Variants in HUS1 observed in about 807,000 individuals in gnomAD.
HUS1 encodes the protein HUS1 checkpoint clamp component.
Under a neutral mutation model 32.6 loss-of-function variants are expected in HUS1, and 31 were observed. That is an observed-to-expected ratio of 0.95 (90% CI 0.72 to 1.28). The LOEUF is 1.28. Ranked by LOEUF, HUS1 falls within the 50% of genes most tolerant of loss-of-function variation. HUS1 has a pLI of 0.00. For synonymous variants in HUS1, 123 were observed against 116.6 expected (o/e 1.06, Z -0.36); for missense variants, 340 against 337.7 (o/e 1.01, Z -0.05).
intron 7 of HUS1, among the ~76,000 whole-genome samples, chr7:47,967,127 G>A (rs1447471105): frequency 1.3e-5 from 2 of 152,202 alleles, no homozygotes; most frequent in African/African-American, 4.8e-5. Flanking sequence ...TGGGAGCTAT[G>A]CTACAAAACG....
Position 47,978,790 on chromosome 7 carries a change from C to T in HUS1, c.79G>A (p.Ala27Thr), listed in dbSNP as rs780317696. 6.2e-7 allele frequency: 1 copy of T among 1,614,078 alleles called. No individual in the cohort carries two copies. Among genetic ancestry groups the T allele is most frequent in the South Asian group, 1.1e-5 (1 of 91,080 alleles). The change falls in exon 2 of 8, where the codon GCC becomes ACC. Residue 27 changes from alanine to threonine, a missense_variant. Physicochemically the swap from Ala to Thr is moderately conservative, Grantham distance 58. Coordinates refer to ENST00000258774, the MANE Select transcript of HUS1 (RefSeq NM_004507.4). ...CTGATGCGGAGGGTGCAGGTTTTGG[C>T]AAGCTTGGCTATCATGTTACTGATT... ...TRISNMIAKL[A>T]KTCTLRISPD...
Position 47,965,442 on chromosome 7 carries a change from G to T in HUS1, c.761-4C>A. On this transcript the variant is annotated splice_polypyrimidine_tract_variant and splice_region_variant and intron_variant, in intron 7 of 7. Transcript: ENST00000258774. ...ACCATCTTGTTATTCACAATATCTGGGAAGAGAAAAGCCATGATTTTAGAG... is the reference window on the plus strand; with the variant it reads ...ACCATCTTGTTATTCACAATATCTGTGAAGAGAAAAGCCATGATTTTAGAG... The T allele has an allele frequency of 6.2e-7, 1 of 1,608,912 alleles. No homozygotes were observed. The highest frequency in any genetic ancestry group is 8.5e-7 in the Non-Finnish European group (1 of 1,175,382).
intron 3 of HUS1, 94 bp from the exon 4 acceptor site, chr7:47,976,931 C>T (rs1202797260): frequency 3.9e-6 from 3 of 765,456 alleles, no homozygotes; most frequent in African/African-American, 3.5e-5. Flanking sequence ...AGTTGAAATA[C>T]CAAATCTAAG....
intron 5 of HUS1, among the ~76,000 whole-genome samples, chr7:47,970,590 C>A (rs1314339782): frequency 6.6e-6 from 1 of 152,130 alleles, no homozygotes; most frequent in Non-Finnish European, 1.5e-5. Context: ...AAACAAAGCA[C>A]TGGAAAAGAA....
At chr7:47,975,713 C>T in intron 4 of HUS1, 26 bp from the exon 5 acceptor site, 1 of 1,386,752 alleles carries the variant, frequency 7.2e-7, no homozygotes, top group Non-Finnish European at 1.0e-6. Flanking sequence ...GAAAAAAGCA[C>T]AAGTATTAAA....
intron 3 of HUS1, among the ~76,000 whole-genome samples, chr7:47,977,994 T>A (rs1199024111): frequency 2.0e-5 from 3 of 152,200 alleles, no homozygotes; most frequent in Non-Finnish European, 4.4e-5. Context: ...AGGACAGCTG[T>A]GCACTAAATT....
chr7:47,979,583 G>T lies in HUS1; in HGVS notation c.-64C>A. The T allele has an allele frequency of 1.5e-6, 2 of 1,300,502 alleles. No homozygotes were observed. Among genetic ancestry groups the T allele is most frequent in the South Asian group, 2.4e-5 (2 of 84,878 alleles). The allele number at this position is 1,300,502 out of a possible 1,614,324, so 80.6% of individuals were successfully genotyped here. A position where few individuals can be genotyped will look rare whatever the true frequency, so the allele number is the denominator to read the frequency against. ...AACAGAAAAGCGTCGCGCCCTGAGTGTCCCCGCCCGGAAACACGGCAGCGC... is the reference window on the plus strand; with the variant it reads ...AACAGAAAAGCGTCGCGCCCTGAGTTTCCCCGCCCGGAAACACGGCAGCGC... On this transcript the variant is annotated 5_prime_UTR_variant, in exon 1 of 8. Transcript: ENST00000258774.
intron 6 of HUS1, 103 bp from the exon 7 acceptor site, chr7:47,968,028 T>A: frequency 8.2e-7 from 1 of 1,218,386 alleles, no homozygotes; most frequent in Non-Finnish European, 1.1e-6. Context: ...ACTTTAGCAC[T>A]GATTTTAGCA....
chr7:47,970,391 A>G (rs1788574695), intron 5 of HUS1, among the ~76,000 whole-genome samples: 1 of 152,118 alleles, frequency 6.6e-6, no homozygotes, highest in African/African-American at 2.4e-5. Context: ...ATAAGGAAAA[A>G]TTTCAGAAAC....
At position 47,979,493 on chromosome 7, in the gene HUS1, G is replaced by C. The variant is rs762826065; in HGVS notation, c.27C>G (p.Asp9Glu). ...GTGTGAAGTGGTTCAGACAGGCCCC[G>C]TCCACGATCTTGGCCCGAAACTTCA... MKFRAKIVDGACLNHFTRI... is the reference protein window; with the variant it reads MKFRAKIVEGACLNHFTRI... Residue 9 changes from aspartate to glutamate, a missense_variant, in exon 1 of 8, where the codon GAC (aspartate) becomes GAG (glutamate). Physicochemically the swap from Asp to Glu is conservative, Grantham distance 45 (BLOSUM62 2). Coordinates refer to ENST00000258774, the MANE Select transcript of HUS1 (RefSeq NM_004507.4). 6.2e-7 allele frequency: 1 copy of C among 1,613,078 alleles called. No individual in the cohort carries two copies.
intron 5 of HUS1, among the ~76,000 whole-genome samples, chr7:47,973,355 G>T (rs143705497): frequency 1.7e-4 from 26 of 152,330 alleles, no homozygotes; most frequent in African/African-American, 5.3e-4. Flanking sequence ...TCAGGCTCCA[G>T]CTCAGACCTC....
At chr7:47,968,495 A>G (rs1788527499) in intron 6 of HUS1, among the ~76,000 whole-genome samples, 1 of 152,226 alleles carries the variant, frequency 6.6e-6, no homozygotes, top group Non-Finnish European at 1.5e-5. Flanking sequence ...GTTTATATTC[A>G]AGCAGACTCG....
At chr7:47,970,876 A>G in intron 5 of HUS1, among the ~76,000 whole-genome samples, 1 of 152,234 alleles carries the variant, frequency 6.6e-6, no homozygotes, top group East Asian at 1.9e-4. Flanking sequence ...GACATTATAA[A>G]CACATGATAA....
chr7:47,971,486 CAA>C (rs1464172496), intron 5 of HUS1: 4 of 456,634 alleles, frequency 8.8e-6, no homozygotes, highest in African/African-American at 8.0e-5. Flanking sequence ...CCCACCCCAA[CAA>C]CCAATCAGTT....
In HUS1 at chr7:47,979,607, G is replaced by T; in HGVS notation, c.-88C>A. 9.4e-7 allele frequency: 1 copy of T among 1,059,526 alleles called. No homozygotes were observed. Among genetic ancestry groups the T allele is most frequent in the Non-Finnish European group, 1.5e-6 (1 of 687,460 alleles). The allele number at this position is 1,059,526 out of a possible 1,614,324, so 65.6% of individuals were successfully genotyped here. A position where few individuals can be genotyped will look rare whatever the true frequency, so the allele number is the denominator to read the frequency against. ...TGTCCCCGCCCGGAAACACGGCAGC[G>T]CGAACAGTGGTTCCGCCCGGCTCGG... On this transcript the variant is annotated 5_prime_UTR_variant, in exon 1 of 8. Transcript: ENST00000258774.
intron 5 of HUS1, among the ~76,000 whole-genome samples, chr7:47,972,328 ATGT>A (rs1399211283): frequency 6.6e-6 from 1 of 152,232 alleles, no homozygotes; most frequent in Non-Finnish European, 1.5e-5. Context: ...TCAGGCTTAA[ATGT>A]TCTCTTGTGT....
In HUS1 at chr7:47,964,309, T is replaced by G. The variant is rs1788431184; in HGVS notation, c.*1047A>C. 1 of 152,140 alleles carries G rather than the reference T, an allele frequency of 6.6e-6. No individual in the cohort carries two copies. Among genetic ancestry groups the G allele is most frequent in the African/African-American group, 2.4e-5 (1 of 41,418 alleles). The allele number at this position is 152,140 out of a possible 1,614,324, so 9.4% of individuals were successfully genotyped here. A position where few individuals can be genotyped will look rare whatever the true frequency, so the allele number is the denominator to read the frequency against. On this transcript the variant is annotated 3_prime_UTR_variant, in exon 8 of 8. Transcript: ENST00000258774. ...GGGAGGATGCCTTGAGCCAAGGAGG[T>G]CAATGCGGTGAGCCATGATTGTGGC...
At chr7:47,975,303 G>A (rs1788677939) in intron 5 of HUS1, among the ~76,000 whole-genome samples, 3 of 141,988 alleles carry the variant, frequency 2.1e-5, no homozygotes, top group Admixed American at 1.4e-4. Flanking sequence ...GGGCGACAGA[G>A]TGAGACTCTG....
rs1223578441 is a variant in HUS1, at chr7:47,975,700, T to C, written c.466-13A>G. ...AATAAATACTAACCTACAAAACCAA[T>C]GAGAAAAAAGCACAAGTATTAAAAA... On this transcript the variant is annotated splice_polypyrimidine_tract_variant and intron_variant, in intron 4 of 7. Transcript: ENST00000258774. 1.3e-6 allele frequency: 2 copies of C among 1,513,130 alleles called. No individual in the cohort carries two copies. The highest frequency in any genetic ancestry group is 1.2e-5 in the South Asian group (1 of 86,252). 93.7% of individuals were successfully genotyped at this position (1,513,130 alleles called of 1,614,324 possible).
Sources: allele counts gnomAD v4.1 joint callset (sites outside exome capture counted in the v4.1 genomes callset), GRCh38; gene constraint gnomAD v4.1.1; transcripts MANE v1.5; gene names NCBI Gene and HGNC (gene_info 2026-07-23, HGNC 2026-07-21).